The following SBF2 variants were observed in gnomAD, a reference collection of about 807,000 sequenced individuals.
SBF2 encodes SET binding factor 2, also known as myotubularin-related protein 13.
A neutral mutation model predicts 225.2 loss-of-function variants in SBF2; 112 were observed. That is an observed-to-expected ratio of 0.50 (90% confidence interval 0.43 to 0.58). The LOEUF is 0.58. Ranked by LOEUF, SBF2 falls within the 20% of genes least tolerant of loss-of-function variation. The pLI, the probability that SBF2 is intolerant of heterozygous loss-of-function variation, is 0.00. For missense variants in SBF2, 1,996 were observed against 2,206.2 expected (o/e 0.90, Z 1.91); for synonymous variants, 763 against 773.3 (o/e 0.99, Z 0.22).
intron 16 of SBF2, among the ~76,000 whole-genome samples, chr11:9,927,045 G>A (rs1348316916): frequency 6.6e-6 from 1 of 152,062 alleles, no homozygotes; most frequent in Non-Finnish European, 1.5e-5. Context: ...TTGCCATGAG[G>A]AATGAGAGAG....
At chr11:10,105,442 G>A (rs1029449837) in intron 2 of SBF2, among the ~76,000 whole-genome samples, 3 of 152,076 alleles carry the variant, frequency 2.0e-5, no homozygotes, top group Non-Finnish European at 4.4e-5. Flanking sequence ...CAATTACTTC[G>A]TGAAGAATAA....
chr11:10,092,195 C>G (rs1333526086), intron 2 of SBF2, among the ~76,000 whole-genome samples: 3 of 152,020 alleles, frequency 2.0e-5, no homozygotes, highest in African/African-American at 7.2e-5. Flanking sequence ...GAAATTAAAA[C>G]AAGTCCCAAG....
chr11:10,110,591 A>G (rs1222822763), intron 2 of SBF2, among the ~76,000 whole-genome samples: 1 of 152,202 alleles, frequency 6.6e-6, no homozygotes, highest in Non-Finnish European at 1.5e-5. Flanking sequence ...ATCTAATTGT[A>G]TGGTCTCAAA....
chr11:10,070,177 A>C (rs979913772), intron 2 of SBF2, among the ~76,000 whole-genome samples: 1 of 152,072 alleles, frequency 6.6e-6, no homozygotes, highest in Non-Finnish European at 1.5e-5. Flanking sequence ...CCCATTTGTC[A>C]ATTTTGGCTT....
At chr11:10,134,928 G>A (rs1473212798) in intron 2 of SBF2, among the ~76,000 whole-genome samples, 1 of 152,226 alleles carries the variant, frequency 6.6e-6, no homozygotes, top group Non-Finnish European at 1.5e-5. Context: ...CAGCCCAGTG[G>A]GGACTCTGTA....
chr11:10,053,688 G>A (rs145726494), intron 2 of SBF2, among the ~76,000 whole-genome samples: 178 of 152,038 alleles, frequency 1.2e-3, no homozygotes, highest in African/African-American at 3.8e-3. Context: ...CTAGGCATAA[G>A]AGGCTGCAAT....
At chr11:10,001,818 G>A (rs1296661836) in intron 7 of SBF2, among the ~76,000 whole-genome samples, 3 of 151,962 alleles carry the variant, frequency 2.0e-5, no homozygotes, top group Admixed American at 6.6e-5. Flanking sequence ...GAGCCACTGC[G>A]CCTGGCCAAA....
intron 2 of SBF2, among the ~76,000 whole-genome samples, chr11:10,053,490 AT>A (rs1328388592): frequency 1.3e-5 from 2 of 152,210 alleles, no homozygotes; most frequent in Non-Finnish European, 2.9e-5. Context: ...AGAAGAACTG[AT>A]TTGTGAATAA....
chr11:10,042,523 A>AC (rs1949691742), intron 3 of SBF2, among the ~76,000 whole-genome samples: 1 of 152,280 alleles, frequency 6.6e-6, no homozygotes, highest in Non-Finnish European at 1.5e-5. Context: ...TCTATGAAAG[A>AC]CCTCCCAGGA....
intron 2 of SBF2, among the ~76,000 whole-genome samples, chr11:10,131,944 A>G (rs1003766470): frequency 1.3e-5 from 2 of 152,102 alleles, no homozygotes; most frequent in African/African-American, 4.8e-5. Context: ...TTAGTTCCAA[A>G]GATGTTCTAT....
At chr11:9,796,377 G>A (rs1227697175) in intron 32 of SBF2, among the ~76,000 whole-genome samples, 2 of 149,578 alleles carry the variant, frequency 1.3e-5, no homozygotes, top group African/African-American at 5.1e-5. Context: ...TTTGGCAATT[G>A]ATAGATATAT....
chr11:9,822,511 C>T (rs1392236616), intron 28 of SBF2, among the ~76,000 whole-genome samples: 12 of 152,282 alleles, frequency 7.9e-5, no homozygotes, highest in African/African-American at 7.2e-5. Context: ...CCGCCCGCCT[C>T]GGCCTCCCAA....
chr11:10,218,120 G>A lies in SBF2; in HGVS notation c.56-24133C>T, dbSNP rs572140499. Reference sequence around the variant, plus strand: ...TCACCATATTGGCCAGGCTAGTCTCGAACTACTGACCTCAAATGATCCACC... The same window carrying A: ...TCACCATATTGGCCAGGCTAGTCTCAAACTACTGACCTCAAATGATCCACC... On this transcript the variant is annotated intron_variant, in intron 1 of 39. Transcript: ENST00000256190. Among the ~76,000 whole-genome samples the A allele has an allele frequency of 1.1e-4, 17 of 152,060 alleles. No individual in the cohort carries two copies. The East Asian group carries it at 2.9e-3, about 26-fold the overall frequency.
intron 6 of SBF2, among the ~76,000 whole-genome samples, chr11:10,017,567 A>T (rs1300865589): frequency 6.6e-6 from 1 of 152,192 alleles, no homozygotes; most frequent in Admixed American, 6.5e-5. Context: ...TTTATCACTG[A>T]GAGGTAATGT....
At chr11:9,787,989 T>C (rs1274614173) in intron 35 of SBF2, 3 of 519,270 alleles carry the variant, frequency 5.8e-6, no homozygotes, top group Non-Finnish European at 1.0e-5. Context: ...ATAGCTTACA[T>C]ACTAGGATGT....
intron 16 of SBF2, among the ~76,000 whole-genome samples, chr11:9,943,727 A>C (rs1865413008): frequency 6.6e-6 from 1 of 152,192 alleles, no homozygotes; most frequent in Non-Finnish European, 1.5e-5. Flanking sequence ...CAGAATTTTT[A>C]ATACTAAAAG....
chr11:9,850,229 A>G lies in SBF2; in HGVS notation c.2611-11T>C, dbSNP rs1372471062. Reference sequence around the variant, plus strand: ...TCTAAGAATCTTGGGCTTACAACAGAAAAAGATTGATTGATTGATTGATTG... The same window carrying G: ...TCTAAGAATCTTGGGCTTACAACAGGAAAAGATTGATTGATTGATTGATTG... On this transcript the variant is annotated splice_polypyrimidine_tract_variant and intron_variant, in intron 21 of 39. Coordinates refer to ENST00000256190, the MANE Select transcript of SBF2 (RefSeq NM_030962.4). 3.7e-6 allele frequency: 6 copies of G among 1,611,070 alleles called. No individual in the cohort carries two copies. The highest frequency in any genetic ancestry group is 5.1e-6 in the Non-Finnish European group (6 of 1,178,712).
chr11:9,855,064 T>C (rs1481883831), intron 19 of SBF2, among the ~76,000 whole-genome samples: 1 of 152,144 alleles, frequency 6.6e-6, no homozygotes, highest in African/African-American at 2.4e-5. Context: ...AGTGAAGGAA[T>C]GGGAAAGCAT....
chr11:10,009,688 T>C (rs1277249968), intron 6 of SBF2, among the ~76,000 whole-genome samples: 2 of 152,228 alleles, frequency 1.3e-5, no homozygotes, highest in African/African-American at 4.8e-5. Flanking sequence ...GTTCCAAGTC[T>C]TTGCTATTGT....
Sources: allele counts gnomAD v4.1 joint callset (sites outside exome capture counted in the v4.1 genomes callset), GRCh38; gene constraint gnomAD v4.1.1; transcripts MANE v1.5; gene names NCBI Gene and HGNC (gene_info 2026-07-23, HGNC 2026-07-21).